PRDM16: variants seen among roughly 807,000 people sequenced by gnomAD.
PRDM16 encodes histone-lysine N-methyltransferase PRDM16.
In PRDM16, 23 loss-of-function variants were observed where a neutral mutation model predicts 110.6. That is an observed-to-expected ratio of 0.21 (90% CI 0.15 to 0.29). The LOEUF (loss-of-function observed/expected upper bound fraction) is 0.29. Ranked by LOEUF, PRDM16 falls within the 10% of genes least tolerant of loss-of-function variation. The pLI is 1.00. For missense variants in PRDM16, 1,615 were observed against 1,794.3 expected, an observed-to-expected ratio of 0.90 and a Z score of 1.81; for synonymous variants, 799 against 781.8, an observed-to-expected ratio of 1.02 and a Z score of -0.37.
At chr1:3,312,958 C>T (rs888583413) in intron 3 of PRDM16, among the ~76,000 whole-genome samples, 1 of 152,198 alleles carries the variant, frequency 6.6e-6, no homozygotes, top group African/African-American at 2.4e-5. Context: ...CCAAAAGGGG[C>T]GAGTACAGCT....
At chr1:3,156,490 C>G (rs186959377) in intron 1 of PRDM16, among the ~76,000 whole-genome samples, 226 of 152,208 alleles carry the variant, frequency 1.5e-3, no homozygotes, top group African/African-American at 5.0e-3. Flanking sequence ...ATATATACCC[C>G]CAAAAGAAGG....
At chr1:3,114,653 C>A (rs1341867623) in intron 1 of PRDM16, among the ~76,000 whole-genome samples, 1 of 152,036 alleles carries the variant, frequency 6.6e-6, no homozygotes, top group African/African-American at 2.4e-5. Flanking sequence ...AGCACACACA[C>A]GTGCACACAC....
rs779844797 is a variant in PRDM16, at chr1:3,402,786, T to G, written c.677-5T>G. ...CTCACCACCACCTCGTTCTCTCTCT[T>G]GCAGAGGAGCCCACGTTCCGCTGTG... On this transcript the variant is annotated splice_polypyrimidine_tract_variant and splice_region_variant and intron_variant, in intron 5 of 16. Coordinates refer to ENST00000270722, the MANE Select transcript of PRDM16 (RefSeq NM_022114.4). 6.2e-7 allele frequency: 1 copy of G among 1,608,892 alleles called. No homozygotes were observed. Among genetic ancestry groups the G allele is most frequent in the South Asian group, 1.1e-5 (1 of 90,990 alleles).
intron 2 of PRDM16, among the ~76,000 whole-genome samples, chr1:3,212,413 A>C (rs1638907872): frequency 6.6e-6 from 1 of 152,078 alleles, no homozygotes; most frequent in African/African-American, 2.4e-5. Flanking sequence ...GCACCTTTGA[A>C]TTCTGGGAGT....
chr1:3,188,555 G>A lies in PRDM16; in HGVS notation c.387+2081G>A, dbSNP rs556120604. On this transcript the variant is annotated intron_variant, in intron 2 of 16. Coordinates refer to ENST00000270722, the MANE Select transcript of PRDM16 (RefSeq NM_022114.4). Reference sequence around the variant, plus strand: ...GTTTCTGCGGAGGGCTTTGTTCCACGGTGGCCACCTGACAGATACCCCTCC... The same window carrying A: ...GTTTCTGCGGAGGGCTTTGTTCCACAGTGGCCACCTGACAGATACCCCTCC... 5.3e-5 allele frequency among the ~76,000 whole-genome samples: 8 copies of A among 152,300 alleles called. No homozygotes were observed. In the East Asian group the frequency reaches 5.8e-4, roughly 11 times the overall value.
rs1256380613 is a variant in PRDM16, at chr1:3,186,733, G to A, written c.387+259G>A. The stretch of plus-strand genomic sequence containing the variant: ...GGAAATGTGTCTTTCATGAGCTCAT[G>A]TCTTAAAACATCCCGTGCTTCCCGC... On this transcript the variant is annotated intron_variant, in intron 2 of 16. Transcript: ENST00000270722. 6.2e-5 allele frequency: 28 copies of A among 448,582 alleles called. 1 individual carries two copies. The East Asian group carries it at 9.2e-4, about 15-fold the overall frequency. The allele number at this position is 448,582 out of a possible 1,614,324, so 27.8% of individuals were successfully genotyped here.
Position 3,201,751 on chromosome 1 carries a change from C to T in PRDM16, c.387+15277C>T, listed in dbSNP as rs949883086. Among the ~76,000 whole-genome samples the T allele has an allele frequency of 6.6e-6, 1 of 152,246 alleles. No individual in the cohort carries two copies. The highest frequency in any genetic ancestry group is 1.5e-5 in the Non-Finnish European group (1 of 68,044). On this transcript the variant is annotated intron_variant, in intron 2 of 16. Coordinates refer to ENST00000270722, the MANE Select transcript of PRDM16 (RefSeq NM_022114.4). This position sits in a 1 kb window ranked among gnomAD's most constrained non-coding sequence, Gnocchi z 4.1. ...TTCTTCAGCTGGAGCCGAGTAGGGT[C>T]GTGTCTGCCCCGCTTCCACGCGAGC...
At chr1:3,409,078 TGAGTGTGGGCGCGTGTCTGTGAGTGC>T (rs1342981401) in intron 8 of PRDM16, among the ~76,000 whole-genome samples, 7 of 149,760 alleles carry the variant, frequency 4.7e-5, no homozygotes, top group African/African-American at 7.4e-5. Context: ...CGTGACAGCG[TGAGTGTGGGCGCGTGTCTGTGAGTGC>T]GAGTGTGGGC....
intron 10 of PRDM16, among the ~76,000 whole-genome samples, chr1:3,417,121 G>A (rs762822929): frequency 1.2e-4 from 18 of 152,196 alleles, no homozygotes; most frequent in Admixed American, 3.9e-4. Flanking sequence ...TCTCCTAATC[G>A]AGCAAGCCCT....
In PRDM16 at chr1:3,291,900, G is replaced by A. The variant is rs145021683; in HGVS notation, c.438+47763G>A. 3.8e-3 allele frequency among the ~76,000 whole-genome samples: 581 copies of A among 152,350 alleles called. 3 individuals are homozygous for A. The highest frequency in any genetic ancestry group is 0.013 in the African/African-American group (560 of 41,592). On this transcript the variant is annotated intron_variant, in intron 3 of 16. Transcript: ENST00000270722. Reference sequence around the variant, plus strand: ...ACCTCCCACTGCTCGAGACCAACCTGGGAGGCTCCCAGGGCCCCTCCTGGG... The same window carrying A: ...ACCTCCCACTGCTCGAGACCAACCTAGGAGGCTCCCAGGGCCCCTCCTGGG...
chr1:3,380,236 G>A (rs1643078701), intron 3 of PRDM16, among the ~76,000 whole-genome samples: 1 of 151,692 alleles, frequency 6.6e-6, no homozygotes, highest in Admixed American at 6.5e-5. Context: ...TGGAGGAAGG[G>A]TTAGCGCCCA....
At chr1:3,087,461 G>A (rs888552841) in intron 1 of PRDM16, among the ~76,000 whole-genome samples, 9 of 152,218 alleles carry the variant, frequency 5.9e-5, no homozygotes, top group African/African-American at 2.2e-4. Flanking sequence ...TCCTGCCTTG[G>A]GGTCAGGTTA....
intron 1 of PRDM16, among the ~76,000 whole-genome samples, chr1:3,083,952 G>A (rs577728532): frequency 2.4e-4 from 37 of 152,360 alleles, no homozygotes; most frequent in Middle Eastern, 3.4e-3. Flanking sequence ...CTTTACCGTG[G>A]AGACTTATGC....
intron 2 of PRDM16, among the ~76,000 whole-genome samples, chr1:3,191,726 C>T (rs1638312972): frequency 6.6e-6 from 1 of 152,140 alleles, no homozygotes; most frequent in South Asian, 2.1e-4. Context: ...ATTTTGGTCC[C>T]AGGTGATAGG....
intron 3 of PRDM16, among the ~76,000 whole-genome samples, chr1:3,336,443 T>A (rs1473635148): frequency 2.0e-5 from 3 of 152,092 alleles, no homozygotes; most frequent in Non-Finnish European, 4.4e-5. Flanking sequence ...CATGCACATG[T>A]GTGTTGGAGT....
rs189696154 is a variant in PRDM16, at chr1:3,209,450, C to A, written c.387+22976C>A. Among the ~76,000 whole-genome samples, 2 of 152,274 alleles carry A rather than the reference C, an allele frequency of 1.3e-5. No homozygotes were observed. The highest frequency in any genetic ancestry group is 1.9e-4 in the East Asian group (1 of 5,158). On this transcript the variant is annotated intron_variant, in intron 2 of 16. Transcript: ENST00000270722. The surrounding 1 kb of genome is among the most constrained non-coding windows in gnomAD (Gnocchi z 4.6). ...TTCCTGGGGAGGCCTGTGAAGGTCG[C>A]GTGAATGCCTGTGTCCCCCGGGACA...
chr1:3,208,021 T>C lies in PRDM16; in HGVS notation c.387+21547T>C, dbSNP rs961544206. On this transcript the variant is annotated intron_variant, in intron 2 of 16. Transcript: ENST00000270722. This position sits in a 1 kb window ranked among gnomAD's most constrained non-coding sequence, Gnocchi z 6.1. ...ATCACTGCATCTTCCTGTGCCTTGG[T>C]TTGCTCATCTGCGAGAGTCCCGGCC... is the stretch of plus-strand genomic sequence containing the variant. 3 of 152,304 alleles carry C rather than the reference T, an allele frequency of 2.0e-5. No homozygotes were observed. Among genetic ancestry groups the C allele is most frequent in the African/African-American group, 7.2e-5 (3 of 41,462 alleles). 9.4% of individuals were successfully genotyped at this position (152,304 alleles called of 1,614,324 possible).
At chr1:3,227,693 T>A (rs536400921) in intron 2 of PRDM16, among the ~76,000 whole-genome samples, 1 of 152,344 alleles carries the variant, frequency 6.6e-6, no homozygotes, top group Non-Finnish European at 1.5e-5. Context: ...AGTCCACAGC[T>A]GGCTGCCCAG....
At chr1:3,302,238 G>T (rs1008532495) in intron 3 of PRDM16, among the ~76,000 whole-genome samples, 2 of 152,066 alleles carry the variant, frequency 1.3e-5, no homozygotes, top group Admixed American at 1.3e-4. Flanking sequence ...AGATTTCCCG[G>T]GGTTGGTTCC....
Sources: gnomAD v4.1 joint callset for allele counts (sites outside exome capture counted in the v4.1 genomes callset) on GRCh38, gnomAD v4.1.1 for gene constraint, Gnocchi (gnomAD v3.1) non-coding constraint, MANE v1.5 for transcripts, NCBI Gene and HGNC (gene_info 2026-07-23, HGNC 2026-07-21) for gene names.